PRMT3: variants seen among roughly 807,000 people sequenced by gnomAD.
The protein encoded by PRMT3 is protein arginine methyltransferase 3.
Under a neutral mutation model 71.9 loss-of-function variants are expected in PRMT3, and 62 were observed. That is an observed-to-expected ratio of 0.86 (90% CI 0.70 to 1.07). The LOEUF (loss-of-function observed/expected upper bound fraction) is 1.07. Ranked by LOEUF, PRMT3 falls within the 50% of genes least tolerant of loss-of-function variation. The pLI, the probability that PRMT3 is intolerant of heterozygous loss-of-function variation, is 0.00. For missense variants in PRMT3, 663 were observed against 643.0 expected, an observed-to-expected ratio of 1.03 and a Z score of -0.34; for synonymous variants, 213 against 220.4, an observed-to-expected ratio of 0.97 and a Z score of 0.30.
Position 20,387,812 on chromosome 11 carries a change from C to T in PRMT3, c.28+38C>T, listed in dbSNP as rs1472573911. 2 of 1,540,188 alleles carry T rather than the reference C, an allele frequency of 1.3e-6. No homozygotes were observed. The highest frequency in any genetic ancestry group is 2.0e-4 in the Middle Eastern group (1 of 5,006). On this transcript the variant is annotated intron_variant, in intron 1 of 15. Coordinates refer to ENST00000331079, the MANE Select transcript of PRMT3 (RefSeq NM_005788.4). This position sits in a 1 kb window ranked among gnomAD's most constrained non-coding sequence, Gnocchi z 4.3. ...GCCCCTCAGCACCCGGCTCGTCCAGCCCCAGGCCGCGCCGCTGTGGGGCCG... is the reference window on the plus strand; with the variant it reads ...GCCCCTCAGCACCCGGCTCGTCCAGTCCCAGGCCGCGCCGCTGTGGGGCCG...
intron 11 of PRMT3, among the ~76,000 whole-genome samples, chr11:20,461,127 T>A (rs143942177): frequency 6.6e-6 from 1 of 152,240 alleles, no homozygotes; most frequent in East Asian, 1.9e-4. Flanking sequence ...TCTACTTACC[T>A]TTCTAGCCTT....
chr11:20,418,038 C>T (rs1168069202), intron 9 of PRMT3, among the ~76,000 whole-genome samples: 5 of 152,014 alleles, frequency 3.3e-5, no homozygotes, highest in African/African-American at 1.2e-4. Flanking sequence ...ATGATGATGT[C>T]CCTGTATCAT....
In PRMT3 at chr11:20,423,873, TAAA is replaced by T. The variant is rs58636447; in HGVS notation, c.894-2866_894-2864del. Among the ~76,000 whole-genome samples the T allele has an allele frequency of 7.7e-3, 209 of 27,108 alleles. 3 individuals are homozygous for T. The highest frequency in any genetic ancestry group is 0.017 in the South Asian group (7 of 420). 17.8% of individuals were successfully genotyped at this position (27,108 alleles called of 152,430 possible). A position where few individuals can be genotyped will look rare whatever the true frequency, so the allele number is the denominator to read the frequency against. Reference sequence around the variant, plus strand: ...TGAGTGACAGAGTGAGATTCTCTCTTAAAAAAAAAAAAAAAAAAAAAAAAAAAA... The same window carrying T: ...TGAGTGACAGAGTGAGATTCTCTCTTAAAAAAAAAAAAAAAAAAAAAAAAA... On this transcript the variant is annotated intron_variant, in intron 9 of 15. Coordinates refer to ENST00000331079, the MANE Select transcript of PRMT3 (RefSeq NM_005788.4).
chr11:20,465,565 A>G (rs1850492628), intron 13 of PRMT3, among the ~76,000 whole-genome samples: 1 of 151,924 alleles, frequency 6.6e-6, no homozygotes, highest in South Asian at 2.1e-4. Context: ...GTTCATTTTG[A>G]TTCAGTGATT....
chr11:20,402,943 C>T lies in PRMT3; in HGVS notation c.730C>T (p.Arg244Ter), dbSNP rs138697834. 5.6e-6 allele frequency: 9 copies of T among 1,608,702 alleles called. No homozygotes were observed. Among genetic ancestry groups the T allele is most frequent in the South Asian group, 2.2e-5 (2 of 90,952 alleles). ...LKDKIRTESYRDFIYQNPHIF... is the reference protein window; with the variant it reads ...LKDKIRTESY ...GGACAAAATACGAACAGAAAGCTACCGAGATTTCATATACCAAAATCCACA... is the reference window on the plus strand; with the variant it reads ...GGACAAAATACGAACAGAAAGCTACTGAGATTTCATATACCAAAATCCACA... The change falls in exon 8 of 16, where the codon CGA (arginine) becomes TGA (stop). Residue 244 changes from arginine to a stop codon, truncating the protein, a stop_gained. Transcript: ENST00000331079. LOFTEE classifies it high-confidence loss of function.
At chr11:20,401,269 G>A (rs544158392) in intron 7 of PRMT3, among the ~76,000 whole-genome samples, 16 of 152,072 alleles carry the variant, frequency 1.1e-4, no homozygotes, top group South Asian at 2.1e-4. Flanking sequence ...AAGTTTTGTC[G>A]TTTCTGCAAA....
intron 5 of PRMT3, among the ~76,000 whole-genome samples, chr11:20,394,353 A>C (rs1165720155): frequency 3.9e-5 from 6 of 152,218 alleles, no homozygotes; most frequent in Non-Finnish European, 1.5e-5. Context: ...ATCAGCAATA[A>C]GACTTTAGTG....
intron 13 of PRMT3, among the ~76,000 whole-genome samples, chr11:20,481,783 G>C (rs947970410): frequency 6.6e-6 from 1 of 151,954 alleles, no homozygotes; most frequent in African/African-American, 2.4e-5. Flanking sequence ...ACTTCCATTT[G>C]ACTTCATTTT....
At position 20,464,196 on chromosome 11, in the gene PRMT3, A is replaced by G. The variant is rs150775575; in HGVS notation, c.1261-264A>G. On this transcript the variant is annotated intron_variant, in intron 12 of 15. Transcript: ENST00000331079. ...AAAACTTTAGCACATTAGCACTATG[A>G]TTTGATAAATACTATTGTTTACAAG... Among the ~76,000 whole-genome samples the G allele has an allele frequency of 3.6e-3, 554 of 152,316 alleles. 3 individuals are homozygous for G. The highest frequency in any genetic ancestry group is 5.8e-3 in the Non-Finnish European group (394 of 68,004).
chr11:20,494,819 C>CT (rs1851296295), intron 15 of PRMT3, among the ~76,000 whole-genome samples: 1 of 152,168 alleles, frequency 6.6e-6, no homozygotes, highest in African/African-American at 2.4e-5. Flanking sequence ...ATTCAGAAAA[C>CT]TTTCGGCAAT....
chr11:20,411,304 A>T (rs1314894241), intron 9 of PRMT3, among the ~76,000 whole-genome samples: 1 of 152,048 alleles, frequency 6.6e-6, no homozygotes, highest in Non-Finnish European at 1.5e-5. Flanking sequence ...GTATTTTTGG[A>T]AAGGGAGTCT....
chr11:20,420,491 C>T (rs78632390), intron 9 of PRMT3, among the ~76,000 whole-genome samples: 4,766 of 152,206 alleles, frequency 0.031, 246 homozygotes, highest in African/African-American at 0.11. Context: ...TGAACATAAT[C>T]GTCTGAGCGC....
intron 13 of PRMT3, among the ~76,000 whole-genome samples, chr11:20,482,789 T>TG (rs1850970439): frequency 4.6e-5 from 7 of 151,378 alleles, no homozygotes; most frequent in Admixed American, 3.9e-4. Flanking sequence ...TATGTATGTA[T>TG]TAACAGGAGG....
intron 5 of PRMT3, among the ~76,000 whole-genome samples, chr11:20,393,303 C>G (rs907494142): frequency 6.6e-6 from 1 of 152,010 alleles, no homozygotes; most frequent in Non-Finnish European, 1.5e-5. Flanking sequence ...AAAAATTAGC[C>G]GGGCATGGTG....
At position 20,491,328 on chromosome 11, in the gene PRMT3, G is replaced by A. The variant is rs139492662; in HGVS notation, c.1348-2591G>A. Among the ~76,000 whole-genome samples the A allele has an allele frequency of 8.3e-3, 1,268 of 152,228 alleles. 11 individuals carry two copies. Among genetic ancestry groups the A allele is most frequent in the Middle Eastern group, 0.031 (9 of 294 alleles). On this transcript the variant is annotated intron_variant, in intron 13 of 15. Transcript: ENST00000331079. ...TGAGCATCTGGATTATCTCAGAGGT[G>A]GCTTGTCTTTTCTCCTGAGAGTTGT...
intron 15 of PRMT3, among the ~76,000 whole-genome samples, chr11:20,503,851 G>A (rs1003704377): frequency 5.3e-5 from 8 of 152,024 alleles, no homozygotes; most frequent in African/African-American, 1.9e-4. Context: ...ACCTAGAAGT[G>A]GAATTACTGG....
At chr11:20,463,808 T>C (rs1231970915) in intron 12 of PRMT3, among the ~76,000 whole-genome samples, 1 of 152,156 alleles carries the variant, frequency 6.6e-6, no homozygotes, top group Non-Finnish European at 1.5e-5. Flanking sequence ...TGAAAGGTGA[T>C]TCCATCCCTT....
intron 7 of PRMT3, among the ~76,000 whole-genome samples, chr11:20,398,933 T>G (rs1484751976): frequency 6.6e-6 from 1 of 152,250 alleles, no homozygotes; most frequent in African/African-American, 2.4e-5. Flanking sequence ...TGGCTGGTTT[T>G]AATTTTTATA....
intron 11 of PRMT3, among the ~76,000 whole-genome samples, chr11:20,453,302 G>GT (rs2133388832): frequency 7.4e-6 from 1 of 135,620 alleles, no homozygotes; most frequent in Non-Finnish European, 1.6e-5. Flanking sequence ...CCAATATAGT[G>GT]AAACCCCGTC....
Sources: gnomAD v4.1 joint callset for allele counts (sites outside exome capture counted in the v4.1 genomes callset) on GRCh38, gnomAD v4.1.1 for gene constraint, Gnocchi (gnomAD v3.1) non-coding constraint, MANE v1.5 for transcripts, NCBI Gene and HGNC (gene_info 2026-07-23, HGNC 2026-07-21) for gene names.